Variants in DNER observed in about 807,000 individuals in gnomAD.
DNER encodes delta/notch like EGF repeat containing.
Under a neutral mutation model 78.2 loss-of-function variants are expected in DNER, and 33 were observed. The ratio of observed to expected loss-of-function variants is 0.42; its 90% CI spans 0.32 to 0.56. The LOEUF is 0.56. DNER is among the 20% of genes least tolerant of loss of function. DNER has a pLI of 0.11. For synonymous variants in DNER, 417 were observed against 384.8 expected (o/e 1.08, Z -0.98); for missense variants, 918 against 975.3 (o/e 0.94, Z 0.78).
Position 229,669,580 on chromosome 2 carries a change from T to C in DNER, c.276+44568A>G, listed in dbSNP as rs1336632957. ...TTTTCCCATTTGTTTGTTTCCTCTC[T>C]TATTTCCTTGAGCAGTGGTCTGTAG... On this transcript the variant is annotated intron_variant, in intron 1 of 12. Coordinates refer to ENST00000341772, the MANE Select transcript of DNER (RefSeq NM_139072.4). Among the ~76,000 whole-genome samples, 4 of 152,178 alleles carry C rather than the reference T, an allele frequency of 2.6e-5. No homozygotes were observed. The East Asian group carries it at 7.7e-4, about 29-fold the overall frequency.
chr2:229,672,789 T>A (rs116242132), intron 1 of DNER, among the ~76,000 whole-genome samples: 1 of 152,186 alleles, frequency 6.6e-6, no homozygotes, highest in Non-Finnish European at 1.5e-5. Context: ...GTCACAAGTC[T>A]GCCTGCCCAT....
At chr2:229,514,707 T>C (rs1290542381) in intron 5 of DNER, among the ~76,000 whole-genome samples, 1 of 152,200 alleles carries the variant, frequency 6.6e-6, no homozygotes, top group Non-Finnish European at 1.5e-5. Context: ...CCCAACAGAT[T>C]TCTTTTCTAA....
chr2:229,590,707 G>T (rs924657215), intron 2 of DNER, among the ~76,000 whole-genome samples: 2 of 152,192 alleles, frequency 1.3e-5, no homozygotes, highest in Non-Finnish European at 2.9e-5. Flanking sequence ...GAAGAAACAG[G>T]CCCTCACCAG....
chr2:229,472,993 G>T (rs1694955412), intron 7 of DNER, among the ~76,000 whole-genome samples: 1 of 152,192 alleles, frequency 6.6e-6, no homozygotes, highest in Non-Finnish European at 1.5e-5. Flanking sequence ...TGAAGGAGCA[G>T]GAGTCACAGA....
At chr2:229,642,295 C>T (rs1335272381) in intron 1 of DNER, among the ~76,000 whole-genome samples, 1 of 151,988 alleles carries the variant, frequency 6.6e-6, no homozygotes, top group Admixed American at 6.6e-5. Flanking sequence ...TCATTTTTAC[C>T]CGAGAAACAA....
intron 11 of DNER, among the ~76,000 whole-genome samples, chr2:229,379,474 C>T (rs1172030026): frequency 6.6e-6 from 1 of 152,090 alleles, no homozygotes; most frequent in African/African-American, 2.4e-5. Flanking sequence ...CCATATTTTG[C>T]CTACATTATC....
At chr2:229,555,341 C>T (rs1476495463) in intron 4 of DNER, among the ~76,000 whole-genome samples, 1 of 152,130 alleles carries the variant, frequency 6.6e-6, no homozygotes, top group Non-Finnish European at 1.5e-5. Context: ...CACCTTACAC[C>T]TCTCCCAGCA....
chr2:229,449,796 T>G (rs1000755377), intron 7 of DNER, among the ~76,000 whole-genome samples: 1 of 152,200 alleles, frequency 6.6e-6, no homozygotes, highest in African/African-American at 2.4e-5. Context: ...TTTTGTTTTG[T>G]TTTTTGAGAC....
At chr2:229,709,064 T>C (rs1699871234) in intron 1 of DNER, among the ~76,000 whole-genome samples, 2 of 152,168 alleles carry the variant, frequency 1.3e-5, no homozygotes, top group African/African-American at 2.4e-5. Context: ...TTCATCCTAG[T>C]AGAGAGAAAA....
intron 6 of DNER, among the ~76,000 whole-genome samples, chr2:229,481,436 A>AAAG (rs1695156266): frequency 1.3e-5 from 2 of 152,240 alleles, no homozygotes; most frequent in African/African-American, 4.8e-5. Flanking sequence ...AGAAACTCTC[A>AAAG]AATACCAGCG....
chr2:229,403,445 T>G (rs913520036), intron 10 of DNER, among the ~76,000 whole-genome samples: 1 of 152,190 alleles, frequency 6.6e-6, no homozygotes, highest in African/African-American at 2.4e-5. Context: ...ACGTGGGATG[T>G]ATCATGTCCC....
chr2:229,385,894 C>T (rs1381425246), intron 11 of DNER, among the ~76,000 whole-genome samples: 3 of 152,052 alleles, frequency 2.0e-5, no homozygotes, highest in African/African-American at 4.8e-5. Context: ...GGCCATACTG[C>T]CCAAAGTAAT....
intron 1 of DNER, among the ~76,000 whole-genome samples, chr2:229,643,040 A>G (rs1375890957): frequency 6.6e-6 from 1 of 151,952 alleles, no homozygotes; most frequent in African/African-American, 2.4e-5. Context: ...AGATGGTGAA[A>G]CCCCATCTCT....
chr2:229,475,521 C>T (rs1389671296), intron 7 of DNER, among the ~76,000 whole-genome samples: 1 of 152,232 alleles, frequency 6.6e-6, no homozygotes, highest in African/African-American at 2.4e-5. Context: ...CATGTAATTA[C>T]ATACTTATCT....
At chr2:229,604,703 A>G (rs964101147) in intron 1 of DNER, among the ~76,000 whole-genome samples, 1 of 152,200 alleles carries the variant, frequency 6.6e-6, no homozygotes, top group Admixed American at 6.5e-5. Flanking sequence ...CCTTACTTGG[A>G]AACAGCTGCT....
intron 7 of DNER, among the ~76,000 whole-genome samples, chr2:229,451,074 C>T (rs1270127019): frequency 6.6e-6 from 1 of 152,220 alleles, no homozygotes; most frequent in Non-Finnish European, 1.5e-5. Flanking sequence ...TTTACAAAGT[C>T]ACTGTGGGTT....
chr2:229,468,032 C>T lies in DNER; in HGVS notation c.1261+9108G>A, dbSNP rs571114379. 6.6e-5 allele frequency among the ~76,000 whole-genome samples: 10 copies of T among 152,266 alleles called. No individual in the cohort carries two copies. In the South Asian group the frequency reaches 1.9e-3, roughly 28 times the overall value. On this transcript the variant is annotated intron_variant, in intron 7 of 12. Transcript: ENST00000341772. ...GATAAGACGACAGCACTGAACCTTC[C>T]GTTTCAGTCCAGAGGTACCCAGGAA...
intron 6 of DNER, among the ~76,000 whole-genome samples, chr2:229,492,560 T>C (rs968029285): frequency 3.9e-5 from 6 of 152,242 alleles, no homozygotes; most frequent in Admixed American, 6.5e-5. Context: ...ATGAGCTTTG[T>C]GACCTTGATC....
intron 1 of DNER, among the ~76,000 whole-genome samples, chr2:229,680,087 T>A (rs1009485574): frequency 6.6e-6 from 1 of 152,212 alleles, no homozygotes; most frequent in African/African-American, 2.4e-5. Flanking sequence ...TGAATTCATT[T>A]ACCAAATCCT....
Sources: gnomAD v4.1 joint callset for allele counts (sites outside exome capture counted in the v4.1 genomes callset) on GRCh38, gnomAD v4.1.1 for gene constraint, MANE v1.5 for transcripts, NCBI Gene and HGNC (gene_info 2026-07-23, HGNC 2026-07-21) for gene names.